RAP1A: variants seen among roughly 807,000 people sequenced by gnomAD.
RAP1A encodes ras-related protein Rap-1A.
RAP1A carries 6 observed loss-of-function variants against 26.4 expected under a neutral mutation model. That is an observed-to-expected ratio of 0.23 (90% CI 0.12 to 0.45). RAP1A has a LOEUF of 0.45. Ranked by LOEUF, RAP1A falls within the 20% of genes least tolerant of loss-of-function variation. The pLI is 0.99. For missense variants in RAP1A, 121 were observed against 217.2 expected (o/e 0.56, Z 2.78); for synonymous variants, 73 against 79.4 (o/e 0.92, Z 0.43).
At chr1:111,674,987 C>T (rs556811023) in intron 1 of RAP1A, among the ~76,000 whole-genome samples, 47 of 152,140 alleles carry the variant, frequency 3.1e-4, no homozygotes, top group African/African-American at 8.9e-4. Context: ...GTCTTTTCCC[C>T]GTTATTTACT....
chr1:111,674,933 C>T (rs1436023659), intron 1 of RAP1A, among the ~76,000 whole-genome samples: 2 of 152,052 alleles, frequency 1.3e-5, no homozygotes, highest in Admixed American at 6.6e-5. Flanking sequence ...AGTTGTTTTT[C>T]CAGAATACAA....
intron 1 of RAP1A, among the ~76,000 whole-genome samples, chr1:111,642,589 G>T (rs559330385): frequency 2.6e-5 from 4 of 151,386 alleles, no homozygotes; most frequent in Non-Finnish European, 4.4e-5. Context: ...CTAGGTTCAC[G>T]CCATTCTCCT....
intron 1 of RAP1A, among the ~76,000 whole-genome samples, chr1:111,636,059 A>G (rs959662863): frequency 6.6e-6 from 1 of 152,166 alleles, no homozygotes; most frequent in Non-Finnish European, 1.5e-5. Context: ...ACGACTTAAT[A>G]GTTTAGACCT....
At chr1:111,553,302 T>C (rs1410276718) in intron 1 of RAP1A, among the ~76,000 whole-genome samples, 1 of 152,208 alleles carries the variant, frequency 6.6e-6, no homozygotes, top group East Asian at 1.9e-4. Context: ...ATTCCTCAGC[T>C]CTGGCAAAAA....
Position 111,709,203 on chromosome 1 carries a change from A to C in RAP1A, c.523A>C (p.Lys175Gln), listed in dbSNP as rs1662296493. Residue 175 changes from lysine to glutamine, a missense_variant, in exon 7 of 8, where the codon AAG becomes CAG. Physicochemically the swap from Lys to Gln is moderately conservative, Grantham distance 53. Coordinates refer to ENST00000369709, the MANE Select transcript of RAP1A (RefSeq NM_002884.4). ...TAGGAAAACACCAGTGGAAAAGAAGAAGCCTAAAAAGAAATCATGTCTGCT... is the reference window on the plus strand; with the variant it reads ...TAGGAAAACACCAGTGGAAAAGAAGCAGCCTAAAAAGAAATCATGTCTGCT... Reference protein sequence around the residue: ...INRKTPVEKKKPKKKSCLLL With the variant: ...INRKTPVEKKQPKKKSCLLL The C allele has an allele frequency of 3.1e-6, 5 of 1,613,710 alleles. No homozygotes were observed. Among genetic ancestry groups the C allele is most frequent in the South Asian group, 1.1e-5 (1 of 91,050 alleles).
chr1:111,585,259 A>G (rs1658341742), intron 1 of RAP1A, among the ~76,000 whole-genome samples: 4 of 152,228 alleles, frequency 2.6e-5, no homozygotes, highest in Admixed American at 2.6e-4. Context: ...ACATCAAATA[A>G]TAAATTACTC....
intron 6 of RAP1A, among the ~76,000 whole-genome samples, chr1:111,708,904 C>T (rs1173491460): frequency 6.6e-6 from 1 of 152,188 alleles, no homozygotes; most frequent in Non-Finnish European, 1.5e-5. Flanking sequence ...CTATTTTTCA[C>T]TACCAGTTCT....
intron 1 of RAP1A, among the ~76,000 whole-genome samples, chr1:111,609,949 T>C (rs1571496499): frequency 6.6e-6 from 1 of 152,186 alleles, no homozygotes; most frequent in African/African-American, 2.4e-5. Context: ...TCTGGCCTGA[T>C]TGACTTTCAA....
intron 1 of RAP1A, among the ~76,000 whole-genome samples, chr1:111,589,908 C>T (rs976024019): frequency 3.3e-5 from 5 of 151,918 alleles, no homozygotes; most frequent in Non-Finnish European, 7.4e-5. Flanking sequence ...TACAGGCACA[C>T]GTCACCATGC....
At chr1:111,602,850 C>A (rs1340639939) in intron 1 of RAP1A, among the ~76,000 whole-genome samples, 1 of 152,158 alleles carries the variant, frequency 6.6e-6, no homozygotes, top group Non-Finnish European at 1.5e-5. Context: ...AAGGGATATA[C>A]CTAACACCCA....
chr1:111,652,847 C>T lies in RAP1A; in HGVS notation c.-28+32913C>T, dbSNP rs189250433. 9.9e-5 allele frequency among the ~76,000 whole-genome samples: 15 copies of T among 151,746 alleles called. No homozygotes were observed. The East Asian group carries it at 2.7e-3, about 27-fold the overall frequency. On this transcript the variant is annotated intron_variant, in intron 1 of 7. Coordinates refer to ENST00000369709, the MANE Select transcript of RAP1A (RefSeq NM_002884.4). ...AAGTTAAACATATGCTAAAGAGATG[C>T]AATGAAAAAGAATAAATAAATAAAA...
At chr1:111,574,043 C>T (rs1023527949) in intron 1 of RAP1A, among the ~76,000 whole-genome samples, 5 of 152,060 alleles carry the variant, frequency 3.3e-5, no homozygotes, top group Non-Finnish European at 7.4e-5. Context: ...TTCCTATGTC[C>T]AAAATGATAT....
At chr1:111,645,365 A>G (rs74109841) in intron 1 of RAP1A, among the ~76,000 whole-genome samples, 6,712 of 152,246 alleles carry the variant, frequency 0.044, 308 homozygotes, top group African/African-American at 0.11. Flanking sequence ...TCAAGAAGGA[A>G]GGTAATGAGA....
At chr1:111,667,682 C>CAAA (rs58742031) in intron 1 of RAP1A, among the ~76,000 whole-genome samples, 1 of 117,886 alleles carries the variant, frequency 8.5e-6, no homozygotes, top group African/African-American at 3.2e-5. Context: ...GACTCCGTCT[C>CAAA]AAAAAAAAAA....
intron 3 of RAP1A, 29 bp downstream of exon 3, chr1:111,695,438 T>TGTG: frequency 7.1e-7 from 1 of 1,409,672 alleles, no homozygotes; most frequent in Non-Finnish European, 9.6e-7. Context: ...ACACACATGC[T>TGTG]TACAAGTAGT....
chr1:111,705,704 T>A (rs1662167783), intron 6 of RAP1A, among the ~76,000 whole-genome samples: 1 of 152,168 alleles, frequency 6.6e-6, no homozygotes, highest in African/African-American at 2.4e-5. Flanking sequence ...CCTGAAGAAG[T>A]TTGCATCCTA....
At chr1:111,641,160 TTTC>T (rs746442660) in intron 1 of RAP1A, among the ~76,000 whole-genome samples, 2 of 152,190 alleles carry the variant, frequency 1.3e-5, no homozygotes, top group Non-Finnish European at 2.9e-5. Flanking sequence ...AATAATTAGT[TTTC>T]TTTTTACAAT....
intron 1 of RAP1A, among the ~76,000 whole-genome samples, chr1:111,667,316 A>G (rs569529945): frequency 1.2e-4 from 18 of 152,330 alleles, no homozygotes; most frequent in Non-Finnish European, 2.5e-4. Flanking sequence ...TCACACTTTT[A>G]TTATAGATTA....
intron 1 of RAP1A, among the ~76,000 whole-genome samples, chr1:111,671,352 T>G (rs1660968601): frequency 6.6e-6 from 1 of 152,242 alleles, no homozygotes. Context: ...AAATGAAAGT[T>G]GCTGTATTTC....
Sources: allele counts gnomAD v4.1 joint callset (sites outside exome capture counted in the v4.1 genomes callset), GRCh38; gene constraint gnomAD v4.1.1; transcripts MANE v1.5; gene names NCBI Gene and HGNC (gene_info 2026-07-23, HGNC 2026-07-21).